SLC30A6: variants seen among roughly 807,000 people sequenced by gnomAD.
SLC30A6 encodes zinc transporter 6.
SLC30A6 carries 55 observed loss-of-function variants against 63.0 expected under a neutral mutation model. The ratio of observed to expected loss-of-function variants is 0.87; its 90% CI spans 0.70 to 1.09. SLC30A6 has a LOEUF of 1.09. Ranked by LOEUF, SLC30A6 falls within the 50% of genes least tolerant of loss-of-function variation. The probability of loss-of-function intolerance (pLI) is 0.00; values close to 1 mark genes in which losing one functional copy is unlikely to be tolerated. For synonymous variants in SLC30A6, 224 were observed against 186.1 expected (o/e 1.20, Z -1.66); for missense variants, 587 against 549.2 (o/e 1.07, Z -0.69).
rs372559244 is a variant in SLC30A6, at chr2:32,204,608, C to T, written c.684C>T (p.Asp228=). ...CTTTTAGTAATTATTTTGCCGTAGA[C>T]ACTGCCTCTGCTATAGCTATTGCCT... ...LIEINNYFAV[D]TASAIAIALM... Residue 228 remains aspartate (D), a synonymous_variant, in exon 11 of 14, where the codon GAC becomes GAT. Coordinates refer to ENST00000282587, the MANE Select transcript of SLC30A6 (RefSeq NM_017964.5). 1 of 1,610,978 alleles carries T rather than the reference C, an allele frequency of 6.2e-7. No homozygotes were observed. Among genetic ancestry groups the T allele is most frequent in the Non-Finnish European group, 8.5e-7 (1 of 1,178,058 alleles).
rs546276015 is a variant in SLC30A6 at position 32,175,145 on chromosome 2, T to G, written c.176-174T>G. ...GAAGTAAGCTTTTCTACCAACGAAC[T>G]TTGGCTACATATATTTATCAGATTT... is the stretch of plus-strand genomic sequence containing the variant. On this transcript the variant is annotated intron_variant, in intron 3 of 13. Transcript: ENST00000282587. Among the ~76,000 whole-genome samples the G allele has an allele frequency of 2.0e-4, 30 of 152,314 alleles. 1 individual carries two copies. In the South Asian group the frequency reaches 5.4e-3, roughly 27 times the overall value.
At chr2:32,217,278 C>T (rs1685793432) in intron 13 of SLC30A6, among the ~76,000 whole-genome samples, 1 of 152,178 alleles carries the variant, frequency 6.6e-6, no homozygotes, top group South Asian at 2.1e-4. Context: ...CTTCATTCTT[C>T]TGCATATGGC....
intron 13 of SLC30A6, among the ~76,000 whole-genome samples, chr2:32,217,627 G>C (rs897452624): frequency 6.6e-6 from 1 of 152,024 alleles, no homozygotes; most frequent in Non-Finnish European, 1.5e-5. Flanking sequence ...GATAGTAATA[G>C]CATGGAATCT....
intron 13 of SLC30A6, among the ~76,000 whole-genome samples, chr2:32,216,718 A>C (rs940597489): frequency 6.6e-6 from 1 of 151,464 alleles, no homozygotes; most frequent in South Asian, 2.1e-4. Flanking sequence ...TTCTTTTGAG[A>C]TGTATCTTCA....
chr2:32,194,314 A>G (rs1683589642), intron 8 of SLC30A6, among the ~76,000 whole-genome samples: 1 of 152,230 alleles, frequency 6.6e-6, no homozygotes, highest in South Asian at 2.1e-4. Flanking sequence ...TTTTAGAAGT[A>G]TCAGTATACT....
At position 32,220,936 on chromosome 2, in the gene SLC30A6, A is replaced by T; in HGVS notation, c.*223A>T. On this transcript the variant is annotated 3_prime_UTR_variant, in exon 14 of 14. Coordinates refer to ENST00000282587, the MANE Select transcript of SLC30A6 (RefSeq NM_017964.5). Reference sequence around the variant, plus strand: ...GCTTTAAATAGGCTTCCTTTAGAAAATGTGTTTCTTTAAATTTGGATTTTG... The same window carrying T: ...GCTTTAAATAGGCTTCCTTTAGAAATTGTGTTTCTTTAAATTTGGATTTTG... 2 of 480,916 alleles carry T rather than the reference A, an allele frequency of 4.2e-6. No homozygotes were observed. Among genetic ancestry groups the T allele is most frequent in the East Asian group, 7.4e-5 (2 of 26,884 alleles). 29.8% of individuals were successfully genotyped at this position (480,916 alleles called of 1,614,324 possible).
At chr2:32,172,707 TAGTGCTGCCTATTA>T (rs70938328) in intron 2 of SLC30A6, among the ~76,000 whole-genome samples, 75,782 of 151,822 alleles carry the variant, frequency 0.5, 19,167 homozygotes, top group East Asian at 0.63. Context: ...GACAGACCAT[TAGTGCTGCCTATTA>T]AGTGCTGCCT....
chr2:32,170,074 A>G (rs1436264512), intron 1 of SLC30A6, among the ~76,000 whole-genome samples: 1 of 152,046 alleles, frequency 6.6e-6, no homozygotes, highest in Non-Finnish European at 1.5e-5. Flanking sequence ...TAAGGGTATT[A>G]CATTCGCCCA....
chr2:32,169,846 G>A (rs939892306), intron 1 of SLC30A6, among the ~76,000 whole-genome samples: 1 of 152,194 alleles, frequency 6.6e-6, no homozygotes, highest in African/African-American at 2.4e-5. Flanking sequence ...GAGAAATCAT[G>A]ATTTCACATT....
intron 5 of SLC30A6, among the ~76,000 whole-genome samples, chr2:32,189,298 T>TTC (rs1683112179): frequency 1.3e-5 from 2 of 149,422 alleles, no homozygotes; most frequent in Non-Finnish European, 3.0e-5. Flanking sequence ...TTTTTTTTTT[T>TTC]TTCTTTTTTT....
intron 5 of SLC30A6, among the ~76,000 whole-genome samples, chr2:32,184,736 G>C (rs2148831298): frequency 6.6e-6 from 1 of 152,320 alleles, no homozygotes; most frequent in South Asian, 2.1e-4. Context: ...TTGCACTCCA[G>C]CCTGGGCAAC....
Position 32,197,371 on chromosome 2 carries a change from A to G in SLC30A6, c.524A>G (p.His175Arg). ...EAASTSWLQE[H>R]VADLSRSLCG... ...GCTAGTACGAGCTGGCTTCAAGAGC[A>G]TGTTGCAGATCTTAGTCGAAGGTAA... is the stretch of plus-strand genomic sequence containing the variant. Residue 175 changes from histidine to arginine, a missense_variant, in exon 9 of 14, where the codon CAT (histidine) becomes CGT (arginine). Transcript: ENST00000282587. The G allele has an allele frequency of 1.2e-6, 2 of 1,613,804 alleles. No homozygotes were observed. Among genetic ancestry groups the G allele is most frequent in the Non-Finnish European group, 1.7e-6 (2 of 1,179,808 alleles).
intron 5 of SLC30A6, among the ~76,000 whole-genome samples, chr2:32,186,480 G>A (rs1400210196): frequency 9.9e-5 from 15 of 152,218 alleles, no homozygotes. Context: ...GAGGTCAGGA[G>A]TTTGAGACCA....
intron 13 of SLC30A6, among the ~76,000 whole-genome samples, chr2:32,219,556 T>G (rs1685988241): frequency 6.6e-6 from 1 of 152,070 alleles, no homozygotes; most frequent in Admixed American, 6.6e-5. Context: ...TGCCTCGGTC[T>G]GCCAAGTAGC....
intron 12 of SLC30A6, among the ~76,000 whole-genome samples, chr2:32,207,692 ATTTTTTTTTTTTT>A (rs34666891): frequency 1.8e-5 from 1 of 54,436 alleles, no homozygotes; most frequent in African/African-American, 7.9e-5. Flanking sequence ...TAACTTCTGT[ATTTTTTTTTTTTT>A]TTTTTTTTTT....
rs557386262 is a variant in SLC30A6, at chr2:32,180,957, C to T, written c.219-3316C>T. Among the ~76,000 whole-genome samples, 5 of 152,254 alleles carry T rather than the reference C, an allele frequency of 3.3e-5. No homozygotes were observed. In the South Asian group the frequency reaches 1.0e-3, roughly 32 times the overall value. ...ATATGAGTTAGCTATCGCTACATAA[C>T]GTTTCAGATGAAAGGTGTGATTTAG... On this transcript the variant is annotated intron_variant, in intron 4 of 13. Transcript: ENST00000282587.
intron 10 of SLC30A6, chr2:32,203,485 G>A (rs575435916): frequency 1.2e-6 from 2 of 1,604,052 alleles, no homozygotes; most frequent in East Asian, 2.2e-5. Flanking sequence ...TGGATGCATT[G>A]GCTGCAGCTT....
chr2:32,169,346 T>C (rs777506776), intron 1 of SLC30A6, among the ~76,000 whole-genome samples: 1 of 152,084 alleles, frequency 6.6e-6, no homozygotes, highest in African/African-American at 2.4e-5. Context: ...TTTTTTTCTT[T>C]TCAATTTTTT....
intron 11 of SLC30A6, among the ~76,000 whole-genome samples, chr2:32,205,473 T>C (rs1684675505): frequency 6.6e-6 from 1 of 151,962 alleles, no homozygotes; most frequent in Non-Finnish European, 1.5e-5. Flanking sequence ...GTACAGATTG[T>C]GAAATTTTTA....
Sources: allele counts gnomAD v4.1 joint callset (sites outside exome capture counted in the v4.1 genomes callset), GRCh38; gene constraint gnomAD v4.1.1; transcripts MANE v1.5; gene names NCBI Gene and HGNC (gene_info 2026-07-23, HGNC 2026-07-21).